Variants in MAP2K4 observed in about 807,000 individuals in gnomAD.
The protein encoded by MAP2K4 is mitogen-activated protein kinase kinase 4, also known as dual specificity mitogen-activated protein kinase kinase 4.
In MAP2K4, 4 loss-of-function variants were observed where a neutral mutation model predicts 48.5. The observed-to-expected ratio is 0.08, with a 90% confidence interval of 0.04 to 0.19. MAP2K4 has a LOEUF of 0.19. Among genes scored for constraint, MAP2K4 ranks in the 10% least tolerant of loss-of-function variants. The pLI is 1.00. For synonymous variants in MAP2K4, 166 were observed against 173.1 expected (o/e 0.96, Z 0.32); for missense variants, 258 against 493.3 (o/e 0.52, Z 4.52).
intron 4 of MAP2K4, among the ~76,000 whole-genome samples, chr17:12,095,913 G>A (rs938149066): frequency 6.6e-6 from 1 of 151,478 alleles, no homozygotes; most frequent in Non-Finnish European, 1.5e-5. Context: ...GTGTGTGTGT[G>A]TGTGTGTGTG....
intron 3 of MAP2K4, among the ~76,000 whole-genome samples, chr17:12,084,753 G>A (rs1421811486): frequency 6.6e-6 from 1 of 152,138 alleles, no homozygotes; most frequent in African/African-American, 2.4e-5. Context: ...TCATCTATAT[G>A]TTAACCAGCT....
rs1971192552 is a variant in MAP2K4 at position 12,081,738 on chromosome 17, T to C, written c.393+208T>C. ...TCTTTGGAAACATGAGTGTATGAAG[T>C]GTGCATGTTGATTGCATTTTTGGCA... On this transcript the variant is annotated intron_variant, in intron 3 of 10. Transcript: ENST00000353533. This position sits in a 1 kb window ranked among gnomAD's most constrained non-coding sequence, Gnocchi z 4.2. Among the ~76,000 whole-genome samples, 1 of 152,184 alleles carries C rather than the reference T, an allele frequency of 6.6e-6. No individual in the cohort carries two copies.
intron 2 of MAP2K4, among the ~76,000 whole-genome samples, chr17:12,059,215 T>C (rs999832082): frequency 3.7e-4 from 56 of 152,222 alleles, no homozygotes; most frequent in African/African-American, 1.3e-3. Context: ...AGCCAAAGAG[T>C]ACAAAGAAAA....
At chr17:12,073,967 G>T (rs946643955) in intron 2 of MAP2K4, among the ~76,000 whole-genome samples, 2 of 151,668 alleles carry the variant, frequency 1.3e-5, no homozygotes, top group South Asian at 4.2e-4. Context: ...AGAGACGGGG[G>T]TTCACCATGT....
chr17:12,089,712 A>T (rs912296546), intron 3 of MAP2K4, among the ~76,000 whole-genome samples: 1 of 152,158 alleles, frequency 6.6e-6, no homozygotes, highest in African/African-American at 2.4e-5. Context: ...GCTGAGCCAT[A>T]CAAACACCTG....
intron 7 of MAP2K4, among the ~76,000 whole-genome samples, chr17:12,118,693 T>TA (rs1972579692): frequency 6.6e-6 from 1 of 152,222 alleles, no homozygotes; most frequent in Non-Finnish European, 1.5e-5. Flanking sequence ...AGGGTAAATA[T>TA]AAAAACACTG....
chr17:12,134,590 G>A (rs748246921), intron 9 of MAP2K4, among the ~76,000 whole-genome samples: 18 of 152,194 alleles, frequency 1.2e-4, no homozygotes, highest in Non-Finnish European at 2.5e-4. Context: ...GCTGATTGTA[G>A]ACAAAGAATT....
intron 4 of MAP2K4, among the ~76,000 whole-genome samples, chr17:12,103,850 T>C (rs1972022015): frequency 6.6e-6 from 1 of 152,166 alleles, no homozygotes; most frequent in African/African-American, 2.4e-5. Flanking sequence ...TATACAGATT[T>C]AGTTAATTTA....
intron 2 of MAP2K4, among the ~76,000 whole-genome samples, chr17:12,065,297 TTTG>T (rs1176605758): frequency 2.4e-4 from 33 of 135,304 alleles, no homozygotes; most frequent in Non-Finnish European, 8.1e-5. Context: ...ATTATTGGTG[TTTG>T]TTGTTTTTTT....
chr17:12,103,698 C>T (rs997098397), intron 4 of MAP2K4, among the ~76,000 whole-genome samples: 1 of 152,040 alleles, frequency 6.6e-6, no homozygotes, highest in Admixed American at 6.5e-5. Flanking sequence ...TGTGCATTTT[C>T]CCCTACATTT....
At chr17:12,093,607 A>G (rs1041903316) in intron 3 of MAP2K4, among the ~76,000 whole-genome samples, 1 of 152,220 alleles carries the variant, frequency 6.6e-6, no homozygotes, top group Non-Finnish European at 1.5e-5. Context: ...ACCTTTTAAA[A>G]ATAGTAGTTT....
chr17:12,090,174 G>T (rs549711356), intron 3 of MAP2K4, among the ~76,000 whole-genome samples: 2 of 152,268 alleles, frequency 1.3e-5, no homozygotes, highest in South Asian at 2.1e-4. Context: ...GCAGGAATGG[G>T]ATCAGGTAAC....
At chr17:12,113,101 T>A in intron 6 of MAP2K4, 132 bp from the exon 7 acceptor site, 1 of 628,650 alleles carries the variant, frequency 1.6e-6, no homozygotes, top group East Asian at 2.7e-5. Flanking sequence ...ATGTTTTACT[T>A]CTTATATATC....
chr17:12,040,670 T>C (rs188102853), intron 1 of MAP2K4, among the ~76,000 whole-genome samples: 45 of 152,336 alleles, frequency 3.0e-4, no homozygotes, highest in African/African-American at 1.0e-3. Context: ...CTTCAGGGCA[T>C]TGCCTTCCCA....
intron 1 of MAP2K4, among the ~76,000 whole-genome samples, chr17:12,031,892 AAGTT>A (rs749826855): frequency 1.6e-4 from 25 of 152,330 alleles, no homozygotes; most frequent in African/African-American, 5.3e-4. Context: ...TCAGTAATTT[AAGTT>A]AGTTAAGTAA....
In MAP2K4 at chr17:12,070,357, G is replaced by A. The variant is rs574313907; in HGVS notation, c.219-10999G>A. On this transcript the variant is annotated intron_variant, in intron 2 of 10. Coordinates refer to ENST00000353533, the MANE Select transcript of MAP2K4 (RefSeq NM_003010.4). ...GATGTCCAGGATATTAAACAAGGAG[G>A]TTTGCTGCCATCTTAGCGTACTTAC... 1.1e-4 allele frequency among the ~76,000 whole-genome samples: 17 copies of A among 152,162 alleles called. No homozygotes were observed. The East Asian group carries it at 3.1e-3, about 28-fold the overall frequency.
chr17:12,052,556 C>A (rs1970174260), intron 1 of MAP2K4, among the ~76,000 whole-genome samples: 1 of 151,988 alleles, frequency 6.6e-6, no homozygotes, highest in Non-Finnish European at 1.5e-5. Context: ...TAAGAAAGGA[C>A]CAATTTTTGT....
intron 1 of MAP2K4, among the ~76,000 whole-genome samples, chr17:12,040,321 A>C (rs548042179): frequency 4.0e-4 from 61 of 152,362 alleles, no homozygotes; most frequent in Non-Finnish European, 6.9e-4. Flanking sequence ...AATTATAGTT[A>C]AGCCTTGGTC....
At chr17:12,073,727 T>A (rs1970896326) in intron 2 of MAP2K4, among the ~76,000 whole-genome samples, 1 of 152,166 alleles carries the variant, frequency 6.6e-6, no homozygotes, top group South Asian at 2.1e-4. Context: ...ATAGTCAAGT[T>A]AACATATCCG....
Sources: gnomAD v4.1 joint callset for allele counts (sites outside exome capture counted in the v4.1 genomes callset) on GRCh38, gnomAD v4.1.1 for gene constraint, Gnocchi (gnomAD v3.1) non-coding constraint, MANE v1.5 for transcripts, NCBI Gene and HGNC (gene_info 2026-07-23, HGNC 2026-07-21) for gene names.